Variants in SRPK1 observed in about 807,000 individuals in gnomAD.
The protein encoded by SRPK1 is SRSF protein kinase 1, also known as SFRS protein kinase 1.
A neutral mutation model predicts 89.5 loss-of-function variants in SRPK1; 52 were observed. The ratio of observed to expected loss-of-function variants is 0.58; its 90% CI spans 0.46 to 0.73. The LOEUF (loss-of-function observed/expected upper bound fraction) is 0.73, where lower values mean the gene tolerates loss of function less well. Among genes scored for constraint, SRPK1 ranks in the 30% least tolerant of loss-of-function variants. The pLI is 0.00. For synonymous variants in SRPK1, 255 were observed against 270.2 expected (o/e 0.94, Z 0.55); for missense variants, 603 against 780.6 (o/e 0.77, Z 2.71).
chr6:35,893,585 C>A (rs1770566229), intron 2 of SRPK1, among the ~76,000 whole-genome samples: 2 of 151,278 alleles, frequency 1.3e-5, no homozygotes, highest in Non-Finnish European at 3.0e-5. Flanking sequence ...TTGCAGGGGG[C>A]AAAAAAGGAG....
chr6:35,876,201 TAATA>T (rs1371579921), intron 6 of SRPK1, among the ~76,000 whole-genome samples: 1 of 148,934 alleles, frequency 6.7e-6, no homozygotes, highest in Admixed American at 6.7e-5. Context: ...CATCTCAAAC[TAATA>T]AATGACTAAA....
At chr6:35,899,752 A>C (rs1318246960) in intron 2 of SRPK1, among the ~76,000 whole-genome samples, 2 of 152,200 alleles carry the variant, frequency 1.3e-5, no homozygotes, top group African/African-American at 2.4e-5. Context: ...CTGTAATCCC[A>C]GAGCTTTGGG....
chr6:35,915,791 T>A (rs1338856555), intron 2 of SRPK1, among the ~76,000 whole-genome samples: 1 of 151,470 alleles, frequency 6.6e-6, no homozygotes, highest in Non-Finnish European at 1.5e-5. Context: ...GCTAACACGG[T>A]GAAATCCCGT....
chr6:35,916,242 A>AAATAAATT (rs140873612), intron 2 of SRPK1, among the ~76,000 whole-genome samples: 1,844 of 148,058 alleles, frequency 0.012, 16 homozygotes, highest in Middle Eastern at 0.041. Context: ...ATAAATAAAT[A>AAATAAATT]AATTAATTAA....
intron 6 of SRPK1, among the ~76,000 whole-genome samples, chr6:35,884,394 G>A (rs967668358): frequency 2.6e-5 from 4 of 152,190 alleles, no homozygotes; most frequent in African/African-American, 4.8e-5. Flanking sequence ...TATGAGAAAC[G>A]ATAGTGGTCC....
chr6:35,904,970 C>T, intron 2 of SRPK1: 2 of 446,112 alleles, frequency 4.5e-6, no homozygotes, highest in Non-Finnish European at 9.0e-6. Context: ...AGCAAGACTC[C>T]ATCTCTACAA....
At chr6:35,899,212 C>T (rs1443139555) in intron 2 of SRPK1, among the ~76,000 whole-genome samples, 1 of 152,178 alleles carries the variant, frequency 6.6e-6, no homozygotes, top group Non-Finnish European at 1.5e-5. Context: ...TAGGCAACCA[C>T]TATACTCCAA....
chr6:35,904,828 T>G, intron 2 of SRPK1: 1 of 205,642 alleles, frequency 4.9e-6, no homozygotes, highest in Non-Finnish European at 9.7e-6. Flanking sequence ...AAAAGTAAAA[T>G]AAAAAAATAA....
intron 13 of SRPK1, among the ~76,000 whole-genome samples, chr6:35,853,367 T>C (rs891675114): frequency 2.0e-5 from 3 of 152,204 alleles, no homozygotes; most frequent in Non-Finnish European, 4.4e-5. Flanking sequence ...TTATAAGTAA[T>C]CTAGAAACAA....
chr6:35,916,191 T>C (rs1484793741), intron 2 of SRPK1, among the ~76,000 whole-genome samples: 2 of 151,324 alleles, frequency 1.3e-5, no homozygotes, highest in South Asian at 4.2e-4. Flanking sequence ...ACCACTGCAC[T>C]CCAGACTGGA....
At chr6:35,882,249 T>G (rs577419975) in intron 6 of SRPK1, among the ~76,000 whole-genome samples, 34 of 147,922 alleles carry the variant, frequency 2.3e-4, no homozygotes, top group Middle Eastern at 3.4e-3. Context: ...GAGAAACTTG[T>G]GACTAAGAAA....
intron 6 of SRPK1, among the ~76,000 whole-genome samples, chr6:35,886,467 C>T (rs150453849): frequency 3.5e-4 from 54 of 152,238 alleles, no homozygotes; most frequent in African/African-American, 1.2e-3. Flanking sequence ...AGTGATACAA[C>T]GCATTTTCTA....
chr6:35,898,259 G>T (rs897827865), intron 2 of SRPK1, among the ~76,000 whole-genome samples: 4 of 152,170 alleles, frequency 2.6e-5, no homozygotes, highest in African/African-American at 9.6e-5. Flanking sequence ...TCTAAGCGAA[G>T]TAAATCAGGA....
chr6:35,873,781 C>T (rs573277707), intron 7 of SRPK1, among the ~76,000 whole-genome samples: 4 of 151,082 alleles, frequency 2.6e-5, no homozygotes, highest in Admixed American at 2.6e-4. Context: ...TGAGCCACCG[C>T]GCCCAGCCAA....
intron 13 of SRPK1, among the ~76,000 whole-genome samples, chr6:35,847,567 TAAAC>T (rs1441874694): frequency 6.6e-6 from 1 of 151,876 alleles, no homozygotes. Context: ...TTAGGACTAA[TAAAC>T]AAATACAGTA....
Position 35,885,298 on chromosome 6 carries a change from C to CACACAGAGAGAGAG in SRPK1, c.478+1425_478+1426insCTCTCTCTCTGTGT, listed in dbSNP as rs1276672274. 1.8e-4 allele frequency among the ~76,000 whole-genome samples: 20 copies of CACACAGAGAGAGAG among 113,184 alleles called. No homozygotes were observed. In the South Asian group the frequency reaches 5.8e-3, roughly 33 times the overall value. 74.3% of individuals were successfully genotyped at this position (113,184 alleles called of 152,430 possible). On this transcript the variant is annotated intron_variant, in intron 6 of 15. Transcript: ENST00000373825. The stretch of plus-strand genomic sequence containing the variant: ...ACACACACACACACACACACACACA[C>CACACAGAGAGAGAG]AGAGAGAGAGAGAGAGAGAGAGAGA...
chr6:35,894,267 G>A (rs9969028), intron 2 of SRPK1, among the ~76,000 whole-genome samples: 10,939 of 152,138 alleles, frequency 0.072, 1,154 homozygotes, highest in African/African-American at 0.23. Context: ...AAATGATGCC[G>A]ATTTCCATAC....
chr6:35,901,852 T>A (rs562414287), intron 2 of SRPK1, among the ~76,000 whole-genome samples: 26 of 152,310 alleles, frequency 1.7e-4, no homozygotes, highest in Admixed American at 1.6e-3. Context: ...AAACTTAACT[T>A]CTGAGACATA....
intron 6 of SRPK1, among the ~76,000 whole-genome samples, chr6:35,875,530 T>C (rs1037018101): frequency 1.3e-5 from 2 of 152,084 alleles, no homozygotes; most frequent in Admixed American, 6.5e-5. Flanking sequence ...CTATAAAGGA[T>C]AAAATTATGA....
Sources: gnomAD v4.1 joint callset for allele counts (sites outside exome capture counted in the v4.1 genomes callset) on GRCh38, gnomAD v4.1.1 for gene constraint, MANE v1.5 for transcripts, NCBI Gene and HGNC (gene_info 2026-07-23, HGNC 2026-07-21) for gene names.